Variants in ZNF570 observed in about 807,000 individuals in gnomAD.
ZNF570 encodes zinc finger protein 570.
In ZNF570, 8 loss-of-function variants were observed where a neutral mutation model predicts 14.2. The ratio of observed to expected loss-of-function variants is 0.56; its 90% CI spans 0.33 to 1.02. ZNF570 has a LOEUF of 1.02. Among genes scored for constraint, ZNF570 ranks in the 50% least tolerant of loss-of-function variants. The pLI is 0.03. For synonymous variants in ZNF570, 202 were observed against 207.6 expected, an observed-to-expected ratio of 0.97 and a Z score of 0.23; for missense variants, 559 against 624.9, an observed-to-expected ratio of 0.89 and a Z score of 1.12.
In ZNF570 at chr19:37,485,336, A is replaced by C; in HGVS notation, c.*103A>C. On this transcript the variant is annotated 3_prime_UTR_variant, in exon 5 of 5. Transcript: ENST00000330173. Reference sequence around the variant, plus strand: ...CTCTGATTACTAATATAGCTTTCAAACAGGTTTTCCTGTATTTATTTTTGC... The same window carrying C: ...CTCTGATTACTAATATAGCTTTCAACCAGGTTTTCCTGTATTTATTTTTGC... The C allele has an allele frequency of 8.5e-7, 1 of 1,174,710 alleles. No homozygotes were observed. The highest frequency in any genetic ancestry group is 1.1e-6 in the Non-Finnish European group (1 of 878,132). 72.8% of individuals were successfully genotyped at this position (1,174,710 alleles called of 1,614,324 possible). A position where few individuals can be genotyped will look rare whatever the true frequency, so the allele number is the denominator to read the frequency against.
At position 37,488,506 on chromosome 19, in the gene ZNF570, C is replaced by A. The variant is rs952421706; in HGVS notation, c.*3273C>A. The A allele has an allele frequency of 6.6e-6, 1 of 152,074 alleles. No individual in the cohort carries two copies. Among genetic ancestry groups the A allele is most frequent in the Non-Finnish European group, 1.5e-5 (1 of 68,008 alleles). 9.4% of individuals were successfully genotyped at this position (152,074 alleles called of 1,614,324 possible). On this transcript the variant is annotated 3_prime_UTR_variant, in exon 5 of 5. Coordinates refer to ENST00000330173, the MANE Select transcript of ZNF570 (RefSeq NM_144694.5). ...GCAAATGAAAATACCTTTAATTATT[C>A]ATTTCTTTTAAAAATAAGCAAATAC...
chr19:37,480,192 A>G (rs1474126248), intron 4 of ZNF570, among the ~76,000 whole-genome samples: 1 of 152,234 alleles, frequency 6.6e-6, no homozygotes, highest in Non-Finnish European at 1.5e-5. Flanking sequence ...ACCACTAAAA[A>G]TACAAGAACG....
chr19:37,470,695 C>CTTT (rs760686313), intron 2 of ZNF570, among the ~76,000 whole-genome samples: 1,044 of 92,870 alleles, frequency 0.011, 33 homozygotes, highest in African/African-American at 0.024. Flanking sequence ...CTTATTTATT[C>CTTT]TTTTTTTTTT....
chr19:37,483,848 G>A (rs1465697948), intron 4 of ZNF570, 31 bp from the exon 5 acceptor site: 9 of 1,552,374 alleles, frequency 5.8e-6, no homozygotes, highest in Non-Finnish European at 7.8e-6. Context: ...ACTCAATAGA[G>A]GAGACATTTT....
At chr19:37,469,099 C>G (rs1012706899), upstream of ZNF570, 42 of 1,046,176 alleles carry the variant, frequency 4.0e-5, no homozygotes, top group Middle Eastern at 9.4e-4. Context: ...CGCTGGGCCC[C>G]GTCCCTGTGA....
Position 37,475,868 on chromosome 19 carries a change from TA to T in ZNF570, c.34-12del. 1.9e-6 allele frequency: 3 copies of T among 1,607,336 alleles called. No individual in the cohort carries two copies. The highest frequency in any genetic ancestry group is 2.5e-6 in the Non-Finnish European group (3 of 1,177,478). On this transcript the variant is annotated splice_polypyrimidine_tract_variant and intron_variant, in intron 2 of 4. Coordinates refer to ENST00000330173, the MANE Select transcript of ZNF570 (RefSeq NM_144694.5). ...TGGTAAGAGATAAGGTTCTTCCATTTATTTCATTTCAGGAGTTGGTGACCTT... is the reference window on the plus strand; with the variant it reads ...TGGTAAGAGATAAGGTTCTTCCATTTTTTCATTTCAGGAGTTGGTGACCTT...
intron 2 of ZNF570, among the ~76,000 whole-genome samples, chr19:37,471,123 C>T (rs1359903060): frequency 6.7e-6 from 1 of 150,068 alleles, no homozygotes; most frequent in African/African-American, 2.5e-5. Flanking sequence ...ACACCATTCT[C>T]CTGCCTCAGC....
At chr19:37,473,403 G>GT (rs1347552675) in intron 2 of ZNF570, among the ~76,000 whole-genome samples, 1 of 152,126 alleles carries the variant, frequency 6.6e-6, no homozygotes, top group East Asian at 1.9e-4. Flanking sequence ...TATGCAGGGG[G>GT]TGATTATAAC....
intron 1 of ZNF570, 83 bp downstream of exon 1, chr19:37,469,640 C>A: frequency 7.3e-7 from 1 of 1,365,212 alleles, no homozygotes; most frequent in Non-Finnish European, 1.0e-6. Context: ...TCAATGGCAC[C>A]GTGGAATGTG....
At position 37,486,882 on chromosome 19, in the gene ZNF570, T is replaced by G. The variant is rs1018105382; in HGVS notation, c.*1649T>G. ...ATTAACCAAAAAAAATCAATAAACATAGAAATTCATGTGATCCCCTTAAAT... is the reference window on the plus strand; with the variant it reads ...ATTAACCAAAAAAAATCAATAAACAGAGAAATTCATGTGATCCCCTTAAAT... On this transcript the variant is annotated 3_prime_UTR_variant, in exon 5 of 5. Coordinates refer to ENST00000330173, the MANE Select transcript of ZNF570 (RefSeq NM_144694.5). The G allele has an allele frequency of 2.6e-5, 4 of 151,990 alleles. No individual in the cohort carries two copies. Among genetic ancestry groups the G allele is most frequent in the Non-Finnish European group, 4.4e-5 (3 of 67,994 alleles). The allele number at this position is 151,990 out of a possible 1,614,324, so 9.4% of individuals were successfully genotyped here.
At chr19:37,472,276 T>C (rs1020875051) in intron 2 of ZNF570, among the ~76,000 whole-genome samples, 42 of 152,054 alleles carry the variant, frequency 2.8e-4, no homozygotes, top group African/African-American at 9.4e-4. Flanking sequence ...GTTACTGTGG[T>C]ACTCTCCTAA....
chr19:37,481,129 G>A (rs531421947), intron 4 of ZNF570, among the ~76,000 whole-genome samples: 24 of 151,652 alleles, frequency 1.6e-4, no homozygotes, highest in Middle Eastern at 3.5e-3. Context: ...CATAGAAGAA[G>A]CTTTCTCTGT....
In ZNF570 at chr19:37,484,764, C is replaced by A. The variant is rs772484604; in HGVS notation, c.1142C>A (p.Thr381Asn). 6.2e-7 allele frequency: 1 copy of A among 1,614,114 alleles called. No homozygotes were observed. Among genetic ancestry groups the A allele is most frequent in the South Asian group, 1.1e-5 (1 of 91,080 alleles). Reference sequence around the variant, plus strand: ...CTTACTGTACATCAGAGAATACATACTGGAGAGAGACCCTATGAATGTAAG... The same window carrying A: ...CTTACTGTACATCAGAGAATACATAATGGAGAGAGACCCTATGAATGTAAG... ...AYLTVHQRIH[T>N]GERPYECKEC... Residue 381 changes from threonine (T) to asparagine (N), a missense_variant, in exon 5 of 5, where the codon ACT becomes AAT. Transcript: ENST00000330173.
At chr19:37,483,252 T>C (rs1322773687) in intron 4 of ZNF570, among the ~76,000 whole-genome samples, 1 of 152,188 alleles carries the variant, frequency 6.6e-6, no homozygotes, top group African/African-American at 2.4e-5. Context: ...GAATGCTTTT[T>C]CCCCAGAGAC....
At chr19:37,468,980 C>A, upstream of ZNF570, 1 of 902,438 alleles carries the variant, frequency 1.1e-6, no homozygotes, top group Non-Finnish European at 1.3e-6. Context: ...CACGCACAAA[C>A]CTTTTCCCTG....
intron 4 of ZNF570, among the ~76,000 whole-genome samples, chr19:37,479,943 A>G (rs943597482): frequency 6.6e-6 from 1 of 152,206 alleles, no homozygotes; most frequent in African/African-American, 2.4e-5. Context: ...TTTTAACCAA[A>G]TGATGGTGGT....
intron 4 of ZNF570, among the ~76,000 whole-genome samples, chr19:37,477,530 C>T (rs369840272): frequency 6.6e-6 from 1 of 151,424 alleles, no homozygotes; most frequent in Non-Finnish European, 1.5e-5. Context: ...TTAGTAGAGA[C>T]GAGGTTTCAC....
upstream of ZNF570, chr19:37,468,081 T>G (rs7257417): frequency 0.037 from 26,087 of 698,242 alleles, 1,957 homozygotes; most frequent in African/African-American, 0.25. Context: ...GTTTTTTTTT[T>G]TTTGTTTGTT....
In ZNF570 at chr19:37,487,351, CA is replaced by C; in HGVS notation, c.*2122del. 6.8e-6 allele frequency: 1 copy of C among 147,894 alleles called. No individual in the cohort carries two copies. Among genetic ancestry groups the C allele is most frequent in the East Asian group, 2.0e-4 (1 of 5,026 alleles). The allele number at this position is 147,894 out of a possible 1,614,324, so 9.2% of individuals were successfully genotyped here. ...TATCCAGTGGTTGCAAAATTGAAAT[CA>C]AAAGGGGATTAAGGGAAGAAAACAG... On this transcript the variant is annotated 3_prime_UTR_variant, in exon 5 of 5. Transcript: ENST00000330173.
Sources: allele counts gnomAD v4.1 joint callset (sites outside exome capture counted in the v4.1 genomes callset), GRCh38; gene constraint gnomAD v4.1.1; transcripts MANE v1.5; gene names NCBI Gene and HGNC (gene_info 2026-07-23, HGNC 2026-07-21).